The following CACNA2D1 variants were observed in gnomAD, a reference collection of about 807,000 sequenced individuals.
CACNA2D1 encodes calcium voltage-gated channel auxiliary subunit alpha2delta 1.
CACNA2D1 carries 53 observed loss-of-function variants against 171.5 expected under a neutral mutation model. The ratio of observed to expected loss-of-function variants is 0.31; its 90% confidence interval spans 0.25 to 0.39. The LOEUF is 0.39. CACNA2D1 is among the 10% of genes least tolerant of loss of function. CACNA2D1 has a pLI of 1.00. For synonymous variants in CACNA2D1, 442 were observed against 443.1 expected (o/e 1.00, Z 0.03); for missense variants, 903 against 1,299.8 (o/e 0.69, Z 4.69).
intron 16 of CACNA2D1, 136 bp downstream of exon 16, chr7:82,007,543 G>T: frequency 1.6e-6 from 1 of 624,944 alleles, no homozygotes; most frequent in Non-Finnish European, 2.9e-6. Context: ...CGCATAGGCA[G>T]CTGTTGCCTT....
intron 3 of CACNA2D1, among the ~76,000 whole-genome samples, chr7:82,294,061 T>C (rs1184062302): frequency 6.6e-6 from 1 of 152,178 alleles, no homozygotes; most frequent in Non-Finnish European, 1.5e-5. Context: ...TCATTTTTCC[T>C]TTATTTTATT....
At chr7:81,962,594 G>GTACCCATACACAT in intron 34 of CACNA2D1, 99 bp from the exon 35 acceptor site, 1 of 757,038 alleles carries the variant, frequency 1.3e-6, no homozygotes, top group Non-Finnish European at 2.3e-6. Flanking sequence ...ATCTTTTTGG[G>GTACCCATACACAT]AAAGAAAGTC....
chr7:82,434,729 A>T (rs1020049764), intron 1 of CACNA2D1, among the ~76,000 whole-genome samples: 1 of 152,172 alleles, frequency 6.6e-6, no homozygotes, highest in African/African-American at 2.4e-5. Flanking sequence ...TGGAAGAAAC[A>T]ATCTGCACTT....
At chr7:82,133,616 G>A (rs923475184) in intron 5 of CACNA2D1, among the ~76,000 whole-genome samples, 1 of 152,148 alleles carries the variant, frequency 6.6e-6, no homozygotes, top group African/African-American at 2.4e-5. Context: ...ATATTTATGT[G>A]TAAAGATGTA....
chr7:82,170,518 A>G, intron 4 of CACNA2D1, 32 bp downstream of exon 4: 2 of 1,494,508 alleles, frequency 1.3e-6, no homozygotes, highest in Admixed American at 3.3e-5. Flanking sequence ...ATGTCAAGCT[A>G]TTTAAATCAA....
chr7:81,967,959 T>C (rs1785110472), intron 29 of CACNA2D1, among the ~76,000 whole-genome samples: 1 of 151,416 alleles, frequency 6.6e-6, no homozygotes, highest in Non-Finnish European at 1.5e-5. Context: ...ACGGTATATT[T>C]TAAGATGTTT....
intron 20 of CACNA2D1, among the ~76,000 whole-genome samples, chr7:81,994,287 G>C (rs1057318261): frequency 2.0e-5 from 3 of 151,854 alleles, no homozygotes; most frequent in African/African-American, 7.2e-5. Flanking sequence ...ACTCCAATAT[G>C]ATAATAGACA....
intron 4 of CACNA2D1, among the ~76,000 whole-genome samples, 181 bp downstream of exon 4, chr7:82,170,369 T>C (rs1795888360): frequency 6.6e-6 from 1 of 152,000 alleles, no homozygotes; most frequent in Non-Finnish European, 1.5e-5. Context: ...AAGTACATTT[T>C]GGCTAACTTA....
chr7:82,433,627 A>G (rs1829894405), intron 1 of CACNA2D1, among the ~76,000 whole-genome samples: 1 of 152,152 alleles, frequency 6.6e-6, no homozygotes, highest in Non-Finnish European at 1.5e-5. Context: ...ACATTCATCC[A>G]TCAATCATGG....
chr7:82,037,869 C>T (rs1345976240), intron 11 of CACNA2D1, among the ~76,000 whole-genome samples: 1 of 152,066 alleles, frequency 6.6e-6, no homozygotes, highest in East Asian at 1.9e-4. Context: ...ATATCAAAAA[C>T]TTAAAAATCT....
At chr7:82,164,227 A>G (rs1795223999) in intron 4 of CACNA2D1, among the ~76,000 whole-genome samples, 2 of 152,036 alleles carry the variant, frequency 1.3e-5, no homozygotes, top group African/African-American at 2.4e-5. Flanking sequence ...TTTTTTAATT[A>G]AAAAATTGTA....
chr7:82,413,673 A>G (rs1425638048), intron 1 of CACNA2D1, among the ~76,000 whole-genome samples: 1 of 152,190 alleles, frequency 6.6e-6, no homozygotes, highest in Admixed American at 6.5e-5. Context: ...TAAAGCTTTT[A>G]AGGTGGTAGA....
rs1022313122 is a variant in CACNA2D1, at chr7:82,145,997, T to C, written c.355-9321A>G. ...TCATCCGGTATTTTCCGTTGCATAA[T>C]TGTAATATTTTAGTCTGCTTATTTT... is the stretch of plus-strand genomic sequence containing the variant. On this transcript the variant is annotated intron_variant, in intron 4 of 38. Transcript: ENST00000356860. 3.9e-5 allele frequency among the ~76,000 whole-genome samples: 6 copies of C among 152,056 alleles called. No homozygotes were observed. The East Asian group carries it at 5.8e-4, about 15-fold the overall frequency.
chr7:82,405,314 A>C (rs978242683), intron 1 of CACNA2D1, among the ~76,000 whole-genome samples: 1 of 152,202 alleles, frequency 6.6e-6, no homozygotes, highest in Non-Finnish European at 1.5e-5. Context: ...TAGCCTTAGA[A>C]TGGTCTTTTA....
At chr7:82,439,576 T>C (rs1830347790) in intron 1 of CACNA2D1, among the ~76,000 whole-genome samples, 1 of 151,698 alleles carries the variant, frequency 6.6e-6, no homozygotes, top group Non-Finnish European at 1.5e-5. Flanking sequence ...ATAATATGCT[T>C]AGATTCTTGT....
At chr7:82,275,758 C>T (rs375617494) in intron 3 of CACNA2D1, among the ~76,000 whole-genome samples, 4 of 152,088 alleles carry the variant, frequency 2.6e-5, no homozygotes, top group South Asian at 4.1e-4. Context: ...AACACTGCAA[C>T]GGCATGCACA....
At chr7:82,193,969 T>C (rs1421263523) in intron 3 of CACNA2D1, among the ~76,000 whole-genome samples, 1 of 152,068 alleles carries the variant, frequency 6.6e-6, no homozygotes, top group Non-Finnish European at 1.5e-5. Context: ...ATTGCTTTCA[T>C]GGTGCACTGG....
At chr7:82,293,040 T>C (rs761203585) in intron 3 of CACNA2D1, among the ~76,000 whole-genome samples, 4 of 152,070 alleles carry the variant, frequency 2.6e-5, no homozygotes, top group Admixed American at 6.6e-5. Flanking sequence ...TAATTTCCTA[T>C]GACTTTATCT....
At chr7:82,071,070 G>A (rs937184482) in intron 7 of CACNA2D1, among the ~76,000 whole-genome samples, 1 of 152,182 alleles carries the variant, frequency 6.6e-6, no homozygotes. Flanking sequence ...TCTGGGCATT[G>A]TTGTTGATGT....
Sources: gnomAD v4.1 joint callset for allele counts (sites outside exome capture counted in the v4.1 genomes callset) on GRCh38, gnomAD v4.1.1 for gene constraint, MANE v1.5 for transcripts, NCBI Gene and HGNC (gene_info 2026-07-23, HGNC 2026-07-21) for gene names.